The following CADPS variants were observed in gnomAD, a reference collection of about 807,000 sequenced individuals.
CADPS encodes the protein calcium dependent secretion activator, also known as calcium-dependent secretion activator 1.
Under a neutral mutation model 167.3 loss-of-function variants are expected in CADPS, and 57 were observed. The observed-to-expected ratio is 0.34, with a 90% CI of 0.28 to 0.42. The LOEUF (loss-of-function observed/expected upper bound fraction) is 0.42. CADPS is among the 20% of genes least tolerant of loss of function. The pLI is 1.00. For synonymous variants in CADPS, 676 were observed against 635.3 expected (o/e 1.06, Z -0.96); for missense variants, 1,414 against 1,738.1 (o/e 0.81, Z 3.32).
intron 1 of CADPS, among the ~76,000 whole-genome samples, chr3:62,828,192 G>T (rs774465810): frequency 6.6e-6 from 1 of 152,092 alleles, no homozygotes; most frequent in Non-Finnish European, 1.5e-5. Context: ...CATTCCCCAT[G>T]GAGATCTACT....
intron 1 of CADPS, among the ~76,000 whole-genome samples, chr3:62,796,613 T>C (rs1256890858): frequency 6.6e-6 from 1 of 152,282 alleles, no homozygotes; most frequent in East Asian, 1.9e-4. Flanking sequence ...AGTCTAGGCA[T>C]GGGCATAATT....
At chr3:62,780,530 C>T (rs561652365) in intron 1 of CADPS, among the ~76,000 whole-genome samples, 6 of 152,276 alleles carry the variant, frequency 3.9e-5, no homozygotes, top group Admixed American at 2.6e-4. Context: ...TCCTCTCATT[C>T]TCCAGAAAAA....
chr3:62,753,714 G>T lies in CADPS; in HGVS notation c.615C>A (p.Asn205Lys), dbSNP rs149627119. The T allele has an allele frequency of 6.2e-7, 1 of 1,614,002 alleles. No individual in the cohort carries two copies. Among genetic ancestry groups the T allele is most frequent in the Non-Finnish European group, 8.5e-7 (1 of 1,180,034 alleles). Reference sequence around the variant, plus strand: ...GCTTCTTGAAGACCTCCCGGGAGTCGTTGGCGGAACAGCCTCCACTCTGAA... The same window carrying T: ...GCTTCTTGAAGACCTCCCGGGAGTCTTTGGCGGAACAGCCTCCACTCTGAA... ...RMVQSGGCSA[N>K]DSREVFKKHI... is the part of the protein sequence containing the mutation. Residue 205 changes from asparagine to lysine, a missense_variant, in exon 3 of 30, where the codon AAC becomes AAA. Asn to Lys is a moderately conservative substitution (Grantham distance 94). Transcript: ENST00000383710. This position sits in a 1 kb window ranked among gnomAD's most constrained non-coding sequence, Gnocchi z 4.6.
intron 3 of CADPS, among the ~76,000 whole-genome samples, chr3:62,705,777 T>C (rs1365912086): frequency 6.6e-6 from 1 of 152,068 alleles, no homozygotes; most frequent in African/African-American, 2.4e-5. Context: ...ATTGTGTGAG[T>C]CAATACTCCT....
At chr3:62,813,289 A>G (rs771252169) in intron 1 of CADPS, among the ~76,000 whole-genome samples, 1 of 152,102 alleles carries the variant, frequency 6.6e-6, no homozygotes, top group Admixed American at 6.6e-5. Flanking sequence ...AGAACAGAAT[A>G]GAGGACCCAG....
At chr3:62,429,591 G>A (rs921074324) in intron 28 of CADPS, among the ~76,000 whole-genome samples, 6 of 152,130 alleles carry the variant, frequency 3.9e-5, no homozygotes, top group East Asian at 1.9e-4. Flanking sequence ...TCCACAAAAT[G>A]TGCTTTGGCT....
Position 62,726,785 on chromosome 3 carries a change from ATTC to A in CADPS, c.888+26653_888+26655del, listed in dbSNP as rs995485635. On this transcript the variant is annotated intron_variant, in intron 3 of 29. Transcript: ENST00000383710. ...CCAACCAATAAACCCTCAGACAAAA[ATTC>A]TTCTTTCTTAATGGCACAGTAAGAC... 1.5e-4 allele frequency among the ~76,000 whole-genome samples: 23 copies of A among 151,918 alleles called. 1 individual carries two copies. The highest frequency in any genetic ancestry group is 5.1e-4 in the African/African-American group (21 of 41,172).
chr3:62,741,351 T>C (rs902982060), intron 3 of CADPS, among the ~76,000 whole-genome samples: 11 of 152,170 alleles, frequency 7.2e-5, no homozygotes, highest in African/African-American at 2.7e-4. Context: ...ATTTTCTTGA[T>C]GAACGTTGAT....
chr3:62,518,353 C>T, intron 13 of CADPS, 103 bp from the exon 14 acceptor site: 1 of 824,294 alleles, frequency 1.2e-6, no homozygotes, highest in Non-Finnish European at 1.9e-6. Flanking sequence ...GAAACAACTA[C>T]AGTGATCGAT....
Position 62,496,649 on chromosome 3 carries a change from G to T in CADPS, c.2706+2513C>A, listed in dbSNP as rs34719998. On this transcript the variant is annotated intron_variant, in intron 18 of 29. Coordinates refer to ENST00000383710, the MANE Select transcript of CADPS (RefSeq NM_003716.4). ...TCCACTCTAACAATGACCATCTATT[G>T]TTATCTCCACTTTACAGGATGAGAG... Among the ~76,000 whole-genome samples the T allele has an allele frequency of 9.7e-3, 1,477 of 152,250 alleles. 13 individuals are homozygous for T. The highest frequency in any genetic ancestry group is 0.016 in the Non-Finnish European group (1,111 of 68,012).
chr3:62,661,271 G>C (rs755293383), intron 4 of CADPS, among the ~76,000 whole-genome samples: 1 of 152,132 alleles, frequency 6.6e-6, no homozygotes, highest in Non-Finnish European at 1.5e-5. Flanking sequence ...TATAATAAAG[G>C]TTGATATGCG....
In CADPS at chr3:62,650,955, G is replaced by C; in HGVS notation, c.1095C>G (p.Phe365Leu). 1 of 1,614,092 alleles carries C rather than the reference G, an allele frequency of 6.2e-7. No individual in the cohort carries two copies. The highest frequency in any genetic ancestry group is 1.1e-5 in the South Asian group (1 of 91,072). ...GGCTGCGTTTGAGTTTCTGGAGCTTGAACTCCCCGCCTTTGGATACCGGCA... is the reference window on the plus strand; with the variant it reads ...GGCTGCGTTTGAGTTTCTGGAGCTTCAACTCCCCGCCTTTGGATACCGGCA... ...ESMPVSKGGE[F>L]KLQKLKRSHN... Residue 365 changes from phenylalanine to leucine, a missense_variant, in exon 5 of 30, where the codon TTC (phenylalanine) becomes TTG (leucine). Physicochemically the swap from Phe to Leu is conservative, Grantham distance 22. Coordinates refer to ENST00000383710, the MANE Select transcript of CADPS (RefSeq NM_003716.4).
chr3:62,826,599 A>G (rs1285810786), intron 1 of CADPS, among the ~76,000 whole-genome samples: 2 of 152,176 alleles, frequency 1.3e-5, no homozygotes, highest in South Asian at 2.1e-4. Context: ...ATCTTTAAAT[A>G]TCATCCTTGA....
intron 1 of CADPS, among the ~76,000 whole-genome samples, chr3:62,813,327 T>C (rs528651406): frequency 6.6e-6 from 1 of 152,182 alleles, no homozygotes; most frequent in Non-Finnish European, 1.5e-5. Flanking sequence ...TACAAGCATC[T>C]GATCTTCAAC....
intron 16 of CADPS, 32 bp from the exon 17 acceptor site, chr3:62,512,800 AAGAG>A: frequency 1.9e-6 from 3 of 1,593,594 alleles, no homozygotes; most frequent in Middle Eastern, 1.7e-4. Context: ...ACAAGGAGAG[AAGAG>A]AGAGAAACAA....
chr3:62,592,266 T>C (rs1266743328), intron 7 of CADPS, among the ~76,000 whole-genome samples: 1 of 152,210 alleles, frequency 6.6e-6, no homozygotes, highest in East Asian at 1.9e-4. Context: ...TCTTATGTCA[T>C]TGTGTTGACT....
intron 24 of CADPS, among the ~76,000 whole-genome samples, chr3:62,471,204 G>T (rs1200957673): frequency 3.3e-5 from 5 of 152,074 alleles, no homozygotes; most frequent in Admixed American, 6.6e-5. Context: ...AAACCAAAAG[G>T]CAACTTATTC....
chr3:62,865,905 TA>T (rs5849505), intron 1 of CADPS, among the ~76,000 whole-genome samples: 3,801 of 152,212 alleles, frequency 0.025, 82 homozygotes, highest in South Asian at 0.076. Context: ...TATTTATGCC[TA>T]AAATATGTAG....
intron 1 of CADPS, among the ~76,000 whole-genome samples, chr3:62,773,620 G>C (rs939860959): frequency 6.6e-6 from 1 of 151,904 alleles, no homozygotes; most frequent in African/African-American, 2.4e-5. Context: ...TTTACTTTTT[G>C]TTTTTGCATT....
Sources: gnomAD v4.1 joint callset for allele counts (sites outside exome capture counted in the v4.1 genomes callset) on GRCh38, gnomAD v4.1.1 for gene constraint, Gnocchi (gnomAD v3.1) non-coding constraint, MANE v1.5 for transcripts, NCBI Gene and HGNC (gene_info 2026-07-23, HGNC 2026-07-21) for gene names.